The following STXBP5L variants were observed in gnomAD, a reference collection of about 807,000 sequenced individuals.
STXBP5L encodes the protein syntaxin binding protein 5L.
A neutral mutation model predicts 144.5 loss-of-function variants in STXBP5L; 65 were observed. That is an observed-to-expected ratio of 0.45 (90% CI 0.37 to 0.55). STXBP5L has a LOEUF of 0.55. Ranked by LOEUF, STXBP5L falls within the 20% of genes least tolerant of loss-of-function variation. STXBP5L has a pLI of 0.00. For synonymous variants in STXBP5L, 505 were observed against 469.6 expected, an observed-to-expected ratio of 1.08 and a Z score of -0.97; for missense variants, 1,298 against 1,405.5, an observed-to-expected ratio of 0.92 and a Z score of 1.22.
chr3:121,313,227 C>T (rs1363791841), intron 19 of STXBP5L, among the ~76,000 whole-genome samples: 2 of 132,318 alleles, frequency 1.5e-5, no homozygotes, highest in Admixed American at 7.7e-5. Context: ...TGACCCCCCC[C>T]ACCTCCCTCC....
In STXBP5L at chr3:121,152,553, A is replaced by G; in HGVS notation, c.746A>G (p.Tyr249Cys). The G allele has an allele frequency of 1.2e-6, 2 of 1,601,306 alleles. No individual in the cohort carries two copies. Among genetic ancestry groups the G allele is most frequent in the South Asian group, 2.2e-5 (2 of 90,252 alleles). Residue 249 changes from tyrosine (Y) to cysteine (C), a missense_variant, in exon 8 of 27, where the codon TAT (tyrosine) becomes TGT (cysteine). By Grantham distance (194) the Tyr-to-Cys change is radical. Transcript: ENST00000471454. ...AAAAGAGCAGAACTGAGAGTTTATT[A>G]TGATGAGGTAAGTGATTTCTACCGA... ...KSKRAELRVY[Y>C]DEAIHSIDWH...
chr3:121,031,373 T>A (rs1357096488), intron 3 of STXBP5L, among the ~76,000 whole-genome samples: 2 of 147,980 alleles, frequency 1.4e-5, no homozygotes, highest in Admixed American at 6.9e-5. Context: ...TATCTATGTA[T>A]GTGTATATAT....
At chr3:121,231,915 C>A (rs2049322023) in intron 11 of STXBP5L, among the ~76,000 whole-genome samples, 1 of 152,200 alleles carries the variant, frequency 6.6e-6, no homozygotes, top group African/African-American at 2.4e-5. Context: ...GCATTTTGGA[C>A]TCTGAGTTTG....
chr3:121,376,818 C>T (rs1441477661), intron 20 of STXBP5L, among the ~76,000 whole-genome samples: 1 of 152,084 alleles, frequency 6.6e-6, no homozygotes, highest in Non-Finnish European at 1.5e-5. Context: ...TAGCTTTGGG[C>T]AGTATGGCCA....
intron 3 of STXBP5L, among the ~76,000 whole-genome samples, chr3:121,039,077 G>C (rs1398524692): frequency 6.6e-6 from 1 of 151,838 alleles, no homozygotes; most frequent in African/African-American, 2.4e-5. Context: ...TTTAAATGGG[G>C]TGTTTACACT....
chr3:121,355,215 T>C (rs2045462852), intron 20 of STXBP5L, among the ~76,000 whole-genome samples: 1 of 152,334 alleles, frequency 6.6e-6, no homozygotes, highest in Admixed American at 6.5e-5. Context: ...CTATATTTCC[T>C]GAATTTGAAT....
intron 11 of STXBP5L, among the ~76,000 whole-genome samples, chr3:121,233,343 C>T (rs2049366692): frequency 6.6e-6 from 1 of 152,166 alleles, no homozygotes; most frequent in African/African-American, 2.4e-5. Context: ...ACTGTCTTCA[C>T]ATAATCCAAT....
chr3:121,168,213 A>ATC (rs2046572191), intron 9 of STXBP5L, among the ~76,000 whole-genome samples: 4 of 152,184 alleles, frequency 2.6e-5, no homozygotes, highest in Admixed American at 6.5e-5. Flanking sequence ...AGATAAATCC[A>ATC]TGAAGATGGG....
chr3:121,082,384 T>C (rs912145036), intron 5 of STXBP5L, among the ~76,000 whole-genome samples: 9 of 152,212 alleles, frequency 5.9e-5, no homozygotes, highest in African/African-American at 1.9e-4. Flanking sequence ...TTTTAAATTT[T>C]GTTTGGCACA....
intron 9 of STXBP5L, among the ~76,000 whole-genome samples, chr3:121,176,802 G>GT (rs1464532101): frequency 1.1e-4 from 16 of 151,356 alleles, no homozygotes; most frequent in East Asian, 3.9e-4. Context: ...AAATGAAGGA[G>GT]TTTTTTTAAA....
chr3:121,132,885 A>G (rs1228998450), intron 7 of STXBP5L, among the ~76,000 whole-genome samples: 2 of 152,164 alleles, frequency 1.3e-5, no homozygotes. Context: ...TACATAAAGT[A>G]GAAGAAAGGA....
In STXBP5L at chr3:121,215,527, G is replaced by T. The variant is rs573667680; in HGVS notation, c.957-7476G>T. ...CTTTTCTTTAATAGTGTTGAATATT[G>T]GCCCCAACTTTTTTATGGCTTGTAG... is the stretch of plus-strand genomic sequence containing the variant. On this transcript the variant is annotated intron_variant, in intron 10 of 26. Transcript: ENST00000471454. Among the ~76,000 whole-genome samples, 43 of 152,158 alleles carry T rather than the reference G, an allele frequency of 2.8e-4. No individual in the cohort carries two copies. The South Asian group carries it at 8.9e-3, about 32-fold the overall frequency.
intron 5 of STXBP5L, among the ~76,000 whole-genome samples, chr3:121,050,169 T>C (rs1248170739): frequency 6.6e-6 from 1 of 152,184 alleles, no homozygotes; most frequent in Non-Finnish European, 1.5e-5. Flanking sequence ...CATTCACCAC[T>C]GTTTCTTCTC....
At chr3:121,053,057 C>T (rs923106277) in intron 5 of STXBP5L, among the ~76,000 whole-genome samples, 3 of 152,130 alleles carry the variant, frequency 2.0e-5, no homozygotes, top group African/African-American at 7.2e-5. Flanking sequence ...AGGACCTCTT[C>T]AAGGAGAACT....
intron 3 of STXBP5L, among the ~76,000 whole-genome samples, chr3:121,036,643 A>C (rs2107530196): frequency 6.6e-6 from 1 of 152,184 alleles, no homozygotes; most frequent in East Asian, 1.9e-4. Flanking sequence ...CAGATTGAGG[A>C]AGTTCACTTT....
chr3:120,976,301 A>G (rs1559937971), intron 3 of STXBP5L, among the ~76,000 whole-genome samples: 1 of 151,796 alleles, frequency 6.6e-6, no homozygotes, highest in Non-Finnish European at 1.5e-5. Context: ...GAATTTATCC[A>G]TTTTTCCTAG....
At chr3:121,082,838 T>C (rs1223563589) in intron 5 of STXBP5L, among the ~76,000 whole-genome samples, 6 of 152,254 alleles carry the variant, frequency 3.9e-5, no homozygotes, top group Non-Finnish European at 7.3e-5. Flanking sequence ...GCCATAAATT[T>C]CTGGAATAAG....
At chr3:120,991,768 A>G (rs1387683275) in intron 3 of STXBP5L, among the ~76,000 whole-genome samples, 1 of 151,158 alleles carries the variant, frequency 6.6e-6, no homozygotes, top group African/African-American at 2.4e-5. Flanking sequence ...CAATGAGAAC[A>G]CATGGACACA....
chr3:121,080,381 C>T (rs977915781), intron 5 of STXBP5L, among the ~76,000 whole-genome samples: 1 of 151,568 alleles, frequency 6.6e-6, no homozygotes, highest in South Asian at 2.1e-4. Context: ...TGCCTAAATA[C>T]TTTGTTTTTT....
Sources: gnomAD v4.1 joint callset for allele counts (sites outside exome capture counted in the v4.1 genomes callset) on GRCh38, gnomAD v4.1.1 for gene constraint, MANE v1.5 for transcripts, NCBI Gene and HGNC (gene_info 2026-07-23, HGNC 2026-07-21) for gene names.